The following ZNF595 variants were observed in gnomAD, a reference collection of about 807,000 sequenced individuals.
ZNF595 encodes zinc finger protein 595.
A neutral mutation model predicts 19.4 loss-of-function variants in ZNF595; 9 were observed. The ratio of observed to expected loss-of-function variants is 0.46; its 90% CI spans 0.28 to 0.81. The LOEUF (loss-of-function observed/expected upper bound fraction) is 0.81, where lower values mean the gene tolerates loss of function less well. ZNF595 is among the 30% of genes least tolerant of loss of function. ZNF595 has a pLI of 0.11. For missense variants in ZNF595, 729 were observed against 736.0 expected (o/e 0.99, Z 0.11); for synonymous variants, 255 against 255.9 (o/e 1.00, Z 0.03).
At chr4:77,729 A>C (rs1164303177) in intron 3 of ZNF595, among the ~76,000 whole-genome samples, 1 of 152,202 alleles carries the variant, frequency 6.6e-6, no homozygotes, top group African/African-American at 2.4e-5. Flanking sequence ...TGGAAAGACT[A>C]GACTTTCTTC....
chr4:84,054 A>G (rs1714034663), intron 3 of ZNF595, among the ~76,000 whole-genome samples: 1 of 152,164 alleles, frequency 6.6e-6, no homozygotes. Context: ...TCTTAAAATA[A>G]TACATTTTAA....
chr4:75,900 G>T (rs1553798629), intron 3 of ZNF595, among the ~76,000 whole-genome samples: 1 of 150,748 alleles, frequency 6.6e-6, no homozygotes, highest in East Asian at 1.9e-4. Flanking sequence ...TTAACTTTCT[G>T]TTTTATACAG....
At chr4:85,662 A>G (rs1046050978) in intron 3 of ZNF595, 69 bp from the exon 4 acceptor site, 15 of 1,468,130 alleles carry the variant, frequency 1.0e-5, no homozygotes, top group African/African-American at 5.6e-5. Flanking sequence ...CATTTTCGAT[A>G]TTACATTCGT....
Position 86,063 on chromosome 4 carries a change from C to G in ZNF595, c.559C>G (p.Leu187Val). ...ECGRSFYMSH[L>V]TQHTGIHAGE... ...TGGCAGATCGTTTTACATGTCACACCTAACTCAACATACAGGAATTCATGC... is the reference window on the plus strand; with the variant it reads ...TGGCAGATCGTTTTACATGTCACACGTAACTCAACATACAGGAATTCATGC... The change falls in exon 4 of 4, where the codon CTA becomes GTA. Residue 187 changes from leucine to valine, a missense_variant. Leu to Val is a conservative substitution (Grantham distance 32, BLOSUM62 1). Around this residue, in one of 2 missense-constraint regions of ZNF595, gnomAD observed 729 missense variants for 675.3 expected, o/e 1.08. Coordinates refer to ENST00000610261, the MANE Select transcript of ZNF595 (RefSeq NM_182524.4). The G allele has an allele frequency of 6.2e-7, 1 of 1,612,688 alleles. No individual in the cohort carries two copies. The highest frequency in any genetic ancestry group is 1.1e-5 in the South Asian group (1 of 90,950).
At chr4:78,976 G>A (rs1246786307) in intron 3 of ZNF595, among the ~76,000 whole-genome samples, 2 of 152,134 alleles carry the variant, frequency 1.3e-5, no homozygotes, top group African/African-American at 4.8e-5. Context: ...TACAGGCATG[G>A]GCCACCACCC....
intron 3 of ZNF595, among the ~76,000 whole-genome samples, chr4:70,925 G>T (rs562544482): frequency 6.6e-6 from 1 of 152,290 alleles, no homozygotes; most frequent in East Asian, 1.9e-4. Flanking sequence ...TAAATCTGTA[G>T]ATTGCTTCAG....
At position 82,998 on chromosome 4, in the gene ZNF595, C is replaced by T. The variant is rs1291856234; in HGVS notation, c.227-2733C>T. On this transcript the variant is annotated intron_variant, in intron 3 of 3. Transcript: ENST00000610261. ...ACTATAATTATATTGCTCTCTATGTCTTGCTTTACTTCTGTCAGTATTTGC... is the reference window on the plus strand; with the variant it reads ...ACTATAATTATATTGCTCTCTATGTTTTGCTTTACTTCTGTCAGTATTTGC... Among the ~76,000 whole-genome samples the T allele has an allele frequency of 2.6e-5, 4 of 152,172 alleles. No homozygotes were observed. In the South Asian group the frequency reaches 8.3e-4, roughly 31 times the overall value.
chr4:86,332 A>T lies in ZNF595; in HGVS notation c.828A>T (p.Lys276Asn), dbSNP rs879959787. The T allele has an allele frequency of 3.1e-6, 5 of 1,613,526 alleles. No homozygotes were observed. The highest frequency in any genetic ancestry group is 3.4e-6 in the Non-Finnish European group (4 of 1,179,890). Reference protein sequence around the residue: ...TRSTTLNEHKKIHTGEKPYKC... With the variant: ...TRSTTLNEHKNIHTGEKPYKC... ...CCACAACACTGAATGAACACAAGAA[A>T]ATTCATACTGGAGAGAAACCCTACA... The change falls in exon 4 of 4, where the codon AAA becomes AAT. Residue 276 changes from lysine (K) to asparagine (N), a missense_variant. By Grantham distance (94) the Lys-to-Asn change is moderately conservative (BLOSUM62 0). Coordinates refer to ENST00000610261, the MANE Select transcript of ZNF595 (RefSeq NM_182524.4).
chr4:80,762 C>A (rs147781847), intron 3 of ZNF595, among the ~76,000 whole-genome samples: 75 of 152,294 alleles, frequency 4.9e-4, no homozygotes, highest in African/African-American at 1.6e-3. Context: ...ATTTTCACTT[C>A]TTTTGTGGTT....
chr4:87,038 G>C lies in ZNF595; in HGVS notation c.1534G>C (p.Glu512Gln). Residue 512 changes from glutamate to glutamine, a missense_variant, in exon 4 of 4, where the codon GAA (glutamate) becomes CAA (glutamine). This residue lies in a region of ZNF595 where 729 missense variants were observed against 675.3 expected (regional missense o/e 1.08). Transcript: ENST00000610261. ...TGGAGAGAAACCCTACAAATGTAAA[G>C]AATGTGGCAAAGCTTTTAACCAATC... ...HTGEKPYKCK[E>Q]CGKAFNQSSG... 2 of 1,613,680 alleles carry C rather than the reference G, an allele frequency of 1.2e-6. No individual in the cohort carries two copies. Among genetic ancestry groups the C allele is most frequent in the Non-Finnish European group, 1.7e-6 (2 of 1,179,894 alleles).
intron 3 of ZNF595, among the ~76,000 whole-genome samples, chr4:71,732 C>T (rs574574669): frequency 6.6e-6 from 1 of 152,156 alleles, no homozygotes; most frequent in South Asian, 2.1e-4. Context: ...GATTTTCTTT[C>T]TCCAAATCCA....
In ZNF595 at chr4:81,473, A is replaced by G. The variant is rs111508449; in HGVS notation, c.227-4258A>G. On this transcript the variant is annotated intron_variant, in intron 3 of 3. Coordinates refer to ENST00000610261, the MANE Select transcript of ZNF595 (RefSeq NM_182524.4). Reference sequence around the variant, plus strand: ...ATCTATGTTTTTCTATGTGTGGGAGACACACTTTTGTGATTTGAAGATAAT... The same window carrying G: ...ATCTATGTTTTTCTATGTGTGGGAGGCACACTTTTGTGATTTGAAGATAAT... 6.0e-3 allele frequency among the ~76,000 whole-genome samples: 910 copies of G among 152,204 alleles called. 12 individuals carry two copies. The highest frequency in any genetic ancestry group is 0.021 in the African/African-American group (866 of 41,524).
At chr4:68,511 A>C (rs1713289102) in intron 3 of ZNF595, 1 of 152,292 alleles carries the variant, frequency 6.6e-6, no homozygotes, top group East Asian at 1.9e-4. Flanking sequence ...GAATTCTCAC[A>C]AAGGCAATGT....
intron 3 of ZNF595, among the ~76,000 whole-genome samples, chr4:79,990 T>G (rs1319325443): frequency 6.6e-6 from 1 of 152,230 alleles, no homozygotes; most frequent in Non-Finnish European, 1.5e-5. Flanking sequence ...GTGAATGGTG[T>G]GGATGCAGAA....
Position 57,636 on chromosome 4 carries a change from A to G in ZNF595, c.4-1794A>G, listed in dbSNP as rs1712677779. On this transcript the variant is annotated intron_variant, in intron 1 of 3. Transcript: ENST00000610261. ...GGAACTTGCATTCTAGAGCACATTA[A>G]TAAATGATGGAATTCAGCGTCATGT... 2.0e-5 allele frequency among the ~76,000 whole-genome samples: 3 copies of G among 149,920 alleles called. No homozygotes were observed. The South Asian group carries it at 6.6e-4, about 33-fold the overall frequency.
chr4:73,997 A>G (rs1713539787), intron 3 of ZNF595, among the ~76,000 whole-genome samples: 1 of 152,140 alleles, frequency 6.6e-6, no homozygotes, highest in South Asian at 2.1e-4. Context: ...AGCAAACTCC[A>G]TATATTTGGT....
At position 86,239 on chromosome 4, in the gene ZNF595, A is replaced by G; in HGVS notation, c.735A>G (p.Glu245=). The G allele has an allele frequency of 6.2e-7, 1 of 1,611,868 alleles. No homozygotes were observed. The highest frequency in any genetic ancestry group is 2.2e-5 in the East Asian group (1 of 44,868). Residue 245 remains glutamate, a synonymous_variant, in exon 4 of 4, where the codon GAA becomes GAG. Transcript: ENST00000610261. ...TTAGACGGTCCACAGTTCTGAACGA[A>G]CATAAGAAAATTCATACTGGAGAGA... is the stretch of plus-strand genomic sequence containing the variant. The part of the protein sequence containing the change: ...KAFRRSTVLN[E]HKKIHTGEKP...
intron 3 of ZNF595, among the ~76,000 whole-genome samples, chr4:76,870 T>C (rs1206364256): frequency 6.6e-6 from 1 of 152,174 alleles, no homozygotes; most frequent in Non-Finnish European, 1.5e-5. Flanking sequence ...CTCTTGCTTC[T>C]TTTAAGAATC....
chr4:66,964 T>A (rs1581333076), intron 3 of ZNF595, among the ~76,000 whole-genome samples: 3 of 146,784 alleles, frequency 2.0e-5, no homozygotes, highest in African/African-American at 7.6e-5. Flanking sequence ...AAATACTTTT[T>A]CACAAAGTAT....
Sources: allele counts gnomAD v4.1 joint callset (sites outside exome capture counted in the v4.1 genomes callset), GRCh38; gene constraint gnomAD v4.1.1; regional missense constraint gnomAD v4.1.1; transcripts MANE v1.5; gene names NCBI Gene and HGNC (gene_info 2026-07-23, HGNC 2026-07-21).